Variants in PCNT observed in about 807,000 individuals in gnomAD.
PCNT encodes the protein kendrin.
In PCNT, 319 loss-of-function variants were observed where a neutral mutation model predicts 380.4. That is an observed-to-expected ratio of 0.84 (90% CI 0.77 to 0.92). The LOEUF is 0.92. Among genes scored for constraint, PCNT ranks in the 40% least tolerant of loss-of-function variants. The pLI is 0.00. For missense variants in PCNT, 4,400 were observed against 4,255.3 expected (o/e 1.03, Z -0.95); for synonymous variants, 1,845 against 1,735.2 (o/e 1.06, Z -1.57).
intron 7 of PCNT, 126 bp from the exon 8 acceptor site, chr21:46,349,558 G>T: frequency 1.0e-6 from 1 of 995,824 alleles, no homozygotes; most frequent in Non-Finnish European, 1.6e-6. Context: ...CTCAAACGAG[G>T]GGCCCGGGGG....
intron 31 of PCNT, 84 bp downstream of exon 31, chr21:46,418,390 G>A (rs1569281012): frequency 4.6e-6 from 4 of 867,596 alleles, no homozygotes; most frequent in Admixed American, 2.0e-5. Context: ...TGCATCCTTT[G>A]CCTGGTTCTG....
chr21:46,411,354 C>T lies in PCNT; in HGVS notation c.5281C>T (p.His1761Tyr). ...GCTGTCCCTCATGGGGCCTGTGGTG[C>T]ACGAAGTCAGCGACAGTCAGGCTGG... Reference protein sequence around the residue: ...HELSLMGPVVHEVSDSQAGSL... With the variant: ...HELSLMGPVVYEVSDSQAGSL... Residue 1761 changes from histidine to tyrosine, a missense_variant, in exon 28 of 47, where the codon CAC becomes TAC. Physicochemically the swap from His to Tyr is moderately conservative, Grantham distance 83. Coordinates refer to ENST00000359568, the MANE Select transcript of PCNT (RefSeq NM_006031.6). 6.2e-7 allele frequency: 1 copy of T among 1,614,152 alleles called. No individual in the cohort carries two copies. The highest frequency in any genetic ancestry group is 8.5e-7 in the Non-Finnish European group (1 of 1,180,044).
At chr21:46,339,061 C>T (rs1211513989) in intron 3 of PCNT, among the ~76,000 whole-genome samples, 1 of 151,948 alleles carries the variant, frequency 6.6e-6, no homozygotes, top group Non-Finnish European at 1.5e-5. Flanking sequence ...GGATTACAGG[C>T]GTGAGCCACC....
intron 3 of PCNT, among the ~76,000 whole-genome samples, chr21:46,336,495 G>A (rs1283249496): frequency 6.6e-6 from 1 of 152,200 alleles, no homozygotes; most frequent in Admixed American, 6.5e-5. Context: ...AGCTCTGTCC[G>A]TGGGGAGCCC....
intron 37 of PCNT, 62 bp from the exon 38 acceptor site, chr21:46,431,467 A>G (rs1379676617): frequency 2.5e-6 from 4 of 1,613,010 alleles, no homozygotes; most frequent in Non-Finnish European, 3.4e-6. Flanking sequence ...GTGGACAGGA[A>G]AACCATGTAG....
At chr21:46,434,012 T>C (rs2087869326) in intron 38 of PCNT, among the ~76,000 whole-genome samples, 1 of 152,170 alleles carries the variant, frequency 6.6e-6, no homozygotes, top group African/African-American at 2.4e-5. Flanking sequence ...CCTGACCTTG[T>C]GATTGATCCG....
chr21:46,416,369 G>A lies in PCNT; in HGVS notation c.6451G>A (p.Asp2151Asn). The change falls in exon 30 of 47, where the codon GAT becomes AAT. Residue 2151 changes from aspartate to asparagine, a missense_variant. Asp to Asn is a conservative substitution (Grantham distance 23). Coordinates refer to ENST00000359568, the MANE Select transcript of PCNT (RefSeq NM_006031.6). The stretch of plus-strand genomic sequence containing the variant: ...CAAAAATCAGGCCATAGACGCGTGT[G>A]ATGCCAATACAACCCCAGGGGGTGT... ...VIKNQAIDAC[D>N]ANTTPGGVTD... The A allele has an allele frequency of 6.2e-7, 1 of 1,614,144 alleles. No individual in the cohort carries two copies. The highest frequency in any genetic ancestry group is 1.3e-5 in the African/African-American group (1 of 75,028).
intron 31 of PCNT, among the ~76,000 whole-genome samples, chr21:46,421,566 G>A (rs1053394717): frequency 3.3e-5 from 5 of 152,226 alleles, no homozygotes; most frequent in South Asian, 2.1e-4. Context: ...TTGGATGCCC[G>A]TCCGCTGCCT....
Position 46,441,065 on chromosome 21 carries a change from G to C in PCNT, c.9604G>C (p.Val3202Leu), listed in dbSNP as rs906108034. ...PFTRFRTAVR[V>L]VIAILRLRFL... Reference sequence around the variant, plus strand: ...CACCAGGTTCCGCACGGCCGTCAGGGTGGTCATTGCAATATTAAGGTAAAT... The same window carrying C: ...CACCAGGTTCCGCACGGCCGTCAGGCTGGTCATTGCAATATTAAGGTAAAT... The change falls in exon 43 of 47, where the codon GTG becomes CTG. Residue 3202 changes from valine (V) to leucine (L), a missense_variant. Coordinates refer to ENST00000359568, the MANE Select transcript of PCNT (RefSeq NM_006031.6). 3.7e-6 allele frequency: 6 copies of C among 1,612,454 alleles called. No individual in the cohort carries two copies. The highest frequency in any genetic ancestry group is 4.2e-6 in the Non-Finnish European group (5 of 1,178,580).
rs1236990448 is a variant in PCNT, at chr21:46,388,994, G to A, written c.3607+110G>A. On this transcript the variant is annotated intron_variant, in intron 18 of 46. Transcript: ENST00000359568. This position sits in a 1 kb window ranked among gnomAD's most constrained non-coding sequence, Gnocchi z 4.2. The stretch of plus-strand genomic sequence containing the variant: ...GGGCGATGCCCTTGGGAGCACTGCC[G>A]TCCTGGTTTCCTGCTAGTTTCCGCA... 6.8e-6 allele frequency: 10 copies of A among 1,469,270 alleles called. No individual in the cohort carries two copies. In the East Asian group the frequency reaches 1.5e-4, roughly 22 times the overall value. 91.0% of individuals were successfully genotyped at this position (1,469,270 alleles called of 1,614,324 possible).
rs910874631 is a variant in PCNT, at chr21:46,414,706, C to G, written c.6151-1363C>G. Among the ~76,000 whole-genome samples the G allele has an allele frequency of 5.6e-4, 28 of 50,212 alleles. 1 individual carries two copies. Among genetic ancestry groups the G allele is most frequent in the Non-Finnish European group, 1.0e-4 (2 of 19,086 alleles). The allele number at this position is 50,212 out of a possible 152,430, so 32.9% of individuals were successfully genotyped here. ...CCTCCTGGACACACAGCTGCCCACA[C>G]TCCTCCTCCTGGACACACAGCTGCC... On this transcript the variant is annotated intron_variant, in intron 29 of 46. Coordinates refer to ENST00000359568, the MANE Select transcript of PCNT (RefSeq NM_006031.6).
At position 46,435,927 on chromosome 21, in the gene PCNT, G is replaced by T; in HGVS notation, c.8775G>T (p.Gln2925His). The change falls in exon 39 of 47, where the codon CAG becomes CAT. Residue 2925 changes from glutamine (Q) to histidine (H), a missense_variant. Gln to His is a conservative substitution (Grantham distance 24). Coordinates refer to ENST00000359568, the MANE Select transcript of PCNT (RefSeq NM_006031.6). ...EKLRELELQR[Q>H]RDLHKIKQLQ... ...AGCGAGAATTAGAACTGCAGCGTCA[G>T]CGTGACTTGCATAAGATCAAGCAGC... The T allele has an allele frequency of 6.2e-7, 1 of 1,614,222 alleles. No individual in the cohort carries two copies. Among genetic ancestry groups the T allele is most frequent in the South Asian group, 1.1e-5 (1 of 91,090 alleles).
At chr21:46,342,263 C>T (rs953047901) in intron 3 of PCNT, among the ~76,000 whole-genome samples, 2 of 152,040 alleles carry the variant, frequency 1.3e-5, no homozygotes, top group Admixed American at 1.3e-4. Flanking sequence ...TGCACAACTG[C>T]GGCCAGCTAA....
intron 27 of PCNT, 46 bp from the exon 28 acceptor site, chr21:46,411,143 G>T (rs1199048788): frequency 3.8e-6 from 6 of 1,579,778 alleles, no homozygotes; most frequent in Non-Finnish European, 4.3e-6. Flanking sequence ...GGGACATTCG[G>T]AAGTGGATAC....
chr21:46,363,270 C>T (rs995301514), intron 13 of PCNT, among the ~76,000 whole-genome samples: 8 of 152,232 alleles, frequency 5.3e-5, no homozygotes, highest in East Asian at 3.9e-4. Flanking sequence ...GGTGCCAGGA[C>T]GTAGGAGGCA....
intron 17 of PCNT, among the ~76,000 whole-genome samples, chr21:46,386,779 C>T (rs1219600945): frequency 1.3e-5 from 2 of 152,266 alleles, no homozygotes; most frequent in Non-Finnish European, 2.9e-5. Context: ...CTGGGGTGAG[C>T]CTGCAGAGTT....
intron 27 of PCNT, among the ~76,000 whole-genome samples, chr21:46,407,147 A>C (rs185586245): frequency 8.2e-4 from 125 of 152,196 alleles, no homozygotes; most frequent in Non-Finnish European, 1.2e-3. Flanking sequence ...TTCTTCTTTG[A>C]ATGTTTTCAT....
Position 46,416,393 on chromosome 21 carries a change from G to A in PCNT, c.6475G>A (p.Val2159Ile), listed in dbSNP as rs2087027927. 1.9e-6 allele frequency: 3 copies of A among 1,614,170 alleles called. No homozygotes were observed. The highest frequency in any genetic ancestry group is 2.7e-5 in the African/African-American group (2 of 75,034). Residue 2159 changes from valine (V) to isoleucine (I), a missense_variant, in exon 30 of 47, where the codon GTA becomes ATA. By Grantham distance (29) the Val-to-Ile change is conservative. Transcript: ENST00000359568. The part of the protein sequence containing the change: ...ACDANTTPGG[V>I]TDVIKNWDSL... ...TGATGCCAATACAACCCCAGGGGGT[G>A]TAACTGATGTTATCAAAAATTGGGA...
chr21:46,385,792 A>G (rs368579469), intron 16 of PCNT, 40 bp from the exon 17 acceptor site: 6 of 1,611,764 alleles, frequency 3.7e-6, no homozygotes, highest in Non-Finnish European at 5.1e-6. Flanking sequence ...GCTTTTAACC[A>G]AATTGTTTTA....
Sources: allele counts gnomAD v4.1 joint callset (sites outside exome capture counted in the v4.1 genomes callset), GRCh38; gene constraint gnomAD v4.1.1; non-coding constraint Gnocchi (gnomAD v3.1); transcripts MANE v1.5; gene names NCBI Gene and HGNC (gene_info 2026-07-23, HGNC 2026-07-21).